Variants in CELF2 observed in about 807,000 individuals in gnomAD.
CELF2 encodes CUGBP Elav-like family member 2, also known as CUG triplet repeat RNA-binding protein 2.
A neutral mutation model predicts 62.6 loss-of-function variants in CELF2; 8 were observed. The observed-to-expected ratio is 0.13, with a 90% confidence interval of 0.07 to 0.23. CELF2 has a LOEUF of 0.23. Among genes scored for constraint, CELF2 ranks in the 10% least tolerant of loss-of-function variants. CELF2 has a pLI of 1.00. For missense variants in CELF2, 333 were observed against 671.0 expected (o/e 0.50, Z 5.56); for synonymous variants, 258 against 250.0 (o/e 1.03, Z -0.30).
chr10:10,691,302 C>T, the CELF2 span, among the ~76,000 whole-genome samples: 2 of 150,998 alleles, frequency 1.3e-5, no homozygotes, highest in African/African-American at 2.4e-5. Flanking sequence ...TGATGATTTC[C>T]AATTTCATCC....
the CELF2 span, among the ~76,000 whole-genome samples, chr10:10,785,296 G>C: frequency 1.7e-4 from 26 of 152,274 alleles, no homozygotes; most frequent in Non-Finnish European, 3.1e-4. Context: ...CATCTGGAGT[G>C]TGCCATGGAC....
intron 1 of CELF2, chr10:11,074,873 T>C (rs762723399): frequency 1.3e-5 from 2 of 152,226 alleles, no homozygotes; most frequent in East Asian, 1.9e-4. Context: ...GTTATTCTTA[T>C]GTTGAAATAT....
intron 2 of CELF2, among the ~76,000 whole-genome samples, chr10:10,927,668 C>G (rs10795838): frequency 6.6e-6 from 1 of 151,736 alleles, no homozygotes; most frequent in Non-Finnish European, 1.5e-5. Context: ...GCCTCAAGCA[C>G]CTCTCCCACC....
chr10:10,903,850 C>T (rs1259944217), intron 1 of CELF2, among the ~76,000 whole-genome samples: 1 of 152,168 alleles, frequency 6.6e-6, no homozygotes, highest in Non-Finnish European at 1.5e-5. Flanking sequence ...AGGAGGCCCA[C>T]AAGCAGTCAT....
At position 11,334,257 on chromosome 10, in the gene CELF2, A is replaced by AT. The variant is rs2096079354; in HGVS notation, c.*5205dup. ...TGATTCTTCTGTCCTCATTGTGAACATAACCGTGTAGTTGAAACAGTCAAA... is the reference window on the plus strand; with the variant it reads ...TGATTCTTCTGTCCTCATTGTGAACATTAACCGTGTAGTTGAAACAGTCAAA... On this transcript the variant is annotated 3_prime_UTR_variant, in exon 13 of 13. Coordinates refer to ENST00000633077, the MANE Select transcript of CELF2 (RefSeq NM_001326342.2). 1 of 152,684 alleles carries AT rather than the reference A, an allele frequency of 6.5e-6. No individual in the cohort carries two copies. The highest frequency in any genetic ancestry group is 2.4e-5 in the African/African-American group (1 of 41,470). The allele number at this position is 152,684 out of a possible 1,614,324, so 9.5% of individuals were successfully genotyped here.
intron 2 of CELF2, among the ~76,000 whole-genome samples, chr10:11,210,677 G>A (rs1181950813): frequency 1.3e-5 from 2 of 152,216 alleles, no homozygotes; most frequent in African/African-American, 2.4e-5. Flanking sequence ...TCAGGCGGGT[G>A]GCTGCAGAAG....
intron 2 of CELF2, among the ~76,000 whole-genome samples, chr10:11,193,897 G>A (rs1332429145): frequency 1.3e-5 from 2 of 152,018 alleles, no homozygotes; most frequent in South Asian, 4.1e-4. Context: ...GGCTGGGGAG[G>A]TCCGGTCATC....
intron 4 of CELF2, 115 bp downstream of exon 4, chr10:11,249,316 C>T (rs772408564): frequency 1.3e-5 from 10 of 796,098 alleles, no homozygotes; most frequent in Admixed American, 4.0e-5. Context: ...GGACAGAGAG[C>T]GCTGCTCCTG....
upstream of CELF2, chr10:10,794,560 A>C (rs1355531906): frequency 1.3e-5 from 2 of 151,558 alleles, no homozygotes; most frequent in Non-Finnish European, 2.9e-5. Context: ...GACAAAGAAA[A>C]TTTTGTATTT....
chr10:10,918,004 T>A (rs922438997), intron 1 of CELF2: 1 of 152,196 alleles, frequency 6.6e-6, no homozygotes, highest in African/African-American at 2.4e-5. Context: ...AGAAATTCAG[T>A]TGTATCTTAA....
chr10:11,134,432 C>T (rs1242212068), intron 1 of CELF2, among the ~76,000 whole-genome samples: 1 of 152,224 alleles, frequency 6.6e-6, no homozygotes, highest in Non-Finnish European at 1.5e-5. Context: ...GGAAGGCTTG[C>T]ATAGAATTAG....
intron 1 of CELF2, among the ~76,000 whole-genome samples, chr10:11,114,072 G>A (rs1230103835): frequency 6.6e-6 from 1 of 152,150 alleles, no homozygotes; most frequent in Non-Finnish European, 1.5e-5. Flanking sequence ...AAATGCTTCT[G>A]TGCTTTGATT....
chr10:10,648,606 G>A, the CELF2 span, among the ~76,000 whole-genome samples: 8 of 152,084 alleles, frequency 5.3e-5, no homozygotes, highest in South Asian at 2.1e-4. Flanking sequence ...CTTTCCTCTC[G>A]GCTCTATGTC....
the CELF2 span, among the ~76,000 whole-genome samples, chr10:10,787,362 T>G: frequency 1.3e-5 from 2 of 152,220 alleles, no homozygotes; most frequent in African/African-American, 4.8e-5. Flanking sequence ...TATCAACAAT[T>G]TTCATTTTTG....
intron 1 of CELF2, among the ~76,000 whole-genome samples, chr10:11,141,004 A>C (rs1013738539): frequency 4.6e-5 from 7 of 152,218 alleles, no homozygotes; most frequent in Non-Finnish European, 1.0e-4. Flanking sequence ...TGACAGAAGG[A>C]GACCCTGTCT....
At chr10:10,981,183 T>C (rs2052061592) in intron 2 of CELF2, among the ~76,000 whole-genome samples, 1 of 152,210 alleles carries the variant, frequency 6.6e-6, no homozygotes, top group African/African-American at 2.4e-5. Context: ...TTCTTCGCAC[T>C]TGGATTCCAC....
At chr10:10,736,976 G>T in the CELF2 span, among the ~76,000 whole-genome samples, 1 of 152,190 alleles carries the variant, frequency 6.6e-6, no homozygotes, top group East Asian at 1.9e-4. Context: ...GGCCCTATCT[G>T]TGTCATTATA....
chr10:10,541,932 CTG>C, the CELF2 span, among the ~76,000 whole-genome samples: 1 of 152,184 alleles, frequency 6.6e-6, no homozygotes, highest in Non-Finnish European at 1.5e-5. Context: ...TCAAACACCT[CTG>C]ATAATAGTTC....
intron 1 of CELF2, among the ~76,000 whole-genome samples, chr10:10,871,762 G>C (rs1283042588): frequency 6.6e-6 from 1 of 152,188 alleles, no homozygotes; most frequent in African/African-American, 2.4e-5. Flanking sequence ...AGCGAGGAGA[G>C]AAATGGGCTT....
Sources: gnomAD v4.1 joint callset for allele counts (sites outside exome capture counted in the v4.1 genomes callset) on GRCh38, gnomAD v4.1.1 for gene constraint, MANE v1.5 for transcripts, NCBI Gene and HGNC (gene_info 2026-07-23, HGNC 2026-07-21) for gene names.